Variants in KNTC1 observed in about 807,000 individuals in gnomAD.
KNTC1 encodes the protein kinetochore-associated protein 1.
In KNTC1, 253 loss-of-function variants were observed where a neutral mutation model predicts 314.4. That is an observed-to-expected ratio of 0.80 (90% CI 0.73 to 0.89). The LOEUF (loss-of-function observed/expected upper bound fraction) is 0.89. KNTC1 is among the 40% of genes least tolerant of loss of function. The pLI is 0.00. For synonymous variants in KNTC1, 901 were observed against 901.4 expected, an observed-to-expected ratio of 1.00 and a Z score of 0.01; for missense variants, 2,475 against 2,572.9, an observed-to-expected ratio of 0.96 and a Z score of 0.82.
Position 122,624,635 on chromosome 12 carries a change from A to T in KNTC1, c.6553A>T (p.Lys2185Ter). ...TTCAGTCTTGATAACTGAATATTCA[A>T]AGCACTGCGGGAAACCTGTGCCTCC... ...EASVLITEYSKHCGKPVPPDT... is the reference protein window; with the variant it reads ...EASVLITEYS Residue 2185 changes from lysine to a stop codon, truncating the protein, a stop_gained, in exon 63 of 64, where the codon AAG becomes TAG. Coordinates refer to ENST00000333479, the MANE Select transcript of KNTC1 (RefSeq NM_014708.6). LOFTEE classifies it high-confidence loss of function. 1 of 1,613,570 alleles carries T rather than the reference A, an allele frequency of 6.2e-7. No homozygotes were observed. The highest frequency in any genetic ancestry group is 1.3e-5 in the African/African-American group (1 of 75,048).
chr12:122,544,196 A>G lies in KNTC1; in HGVS notation c.596A>G (p.Glu199Gly), dbSNP rs1177597087. 6.3e-7 allele frequency: 1 copy of G among 1,581,822 alleles called. No individual in the cohort carries two copies. The highest frequency in any genetic ancestry group is 1.2e-5 in the South Asian group (1 of 83,902). The stretch of plus-strand genomic sequence containing the variant: ...ATCAAGTCCAGTTTTATTTCTACTG[A>G]AAATTATCATACTCTTGGTTGTCTC... ...GQIKSSFIST[E>G]NYHTLGCLSL... The change falls in exon 8 of 64, where the codon GAA (glutamate) becomes GGA (glycine). Residue 199 changes from glutamate (E) to glycine (G), a missense_variant. Coordinates refer to ENST00000333479, the MANE Select transcript of KNTC1 (RefSeq NM_014708.6).
intron 3 of KNTC1, among the ~76,000 whole-genome samples, chr12:122,537,074 C>T (rs1003512965): frequency 6.6e-6 from 1 of 152,142 alleles, no homozygotes; most frequent in African/African-American, 2.4e-5. Flanking sequence ...AACTTGAGTT[C>T]GTAAGCCAGT....
rs559434593 is a variant in KNTC1 at position 122,624,643 on chromosome 12, C to T, written c.6561C>T (p.Cys2187=). 47 of 1,613,342 alleles carry T rather than the reference C, an allele frequency of 2.9e-5. No individual in the cohort carries two copies. The highest frequency in any genetic ancestry group is 4.4e-5 in the South Asian group (4 of 91,060). The change falls in exon 63 of 64, where the codon TGC becomes TGT. Residue 2187 remains cysteine, a synonymous_variant. Transcript: ENST00000333479. The part of the protein sequence containing the change: ...SVLITEYSKH[C]GKPVPPDTAP... Reference sequence around the variant, plus strand: ...TGATAACTGAATATTCAAAGCACTGCGGGAAACCTGTGCCTCCAGACACTG... The same window carrying T: ...TGATAACTGAATATTCAAAGCACTGTGGGAAACCTGTGCCTCCAGACACTG...
At position 122,577,011 on chromosome 12, in the gene KNTC1, C is replaced by A; in HGVS notation, c.2703C>A (p.Asp901Glu). ...DDEIYSLRII[D>E]LIDREQGEDC... is the part of the protein sequence containing the mutation. ...AGATCTACAGTCTAAGAATTATTGA[C>A]CTGATTGATAGAGAACAGGTTTGTA... Residue 901 changes from aspartate (D) to glutamate (E), a missense_variant, in exon 30 of 64, where the codon GAC (aspartate) becomes GAA (glutamate). Asp to Glu is a conservative substitution (Grantham distance 45, BLOSUM62 2). Coordinates refer to ENST00000333479, the MANE Select transcript of KNTC1 (RefSeq NM_014708.6). 6.4e-7 allele frequency: 1 copy of A among 1,559,544 alleles called. No individual in the cohort carries two copies. Among genetic ancestry groups the A allele is most frequent in the Admixed American group, 2.0e-5 (1 of 49,264 alleles).
rs371016706 is a variant in KNTC1, at chr12:122,603,090, A to G, written c.4948A>G (p.Lys1650Glu). 108 of 1,613,906 alleles carry G rather than the reference A, an allele frequency of 6.7e-5. No homozygotes were observed. Among genetic ancestry groups the G allele is most frequent in the Admixed American group, 3.2e-4 (19 of 60,018 alleles). Residue 1650 changes from lysine to glutamate, a missense_variant, in exon 48 of 64, where the codon AAG becomes GAG. By Grantham distance (56) the Lys-to-Glu change is moderately conservative. Transcript: ENST00000333479. ...KHVFEKKLKPKLLKLTQAKSS... is the reference protein window; with the variant it reads ...KHVFEKKLKPELLKLTQAKSS... ...CGTTTTCGAAAAAAAACTGAAGCCAAAGCTCCTGAAGTTAACACAAGCTAA... is the reference window on the plus strand; with the variant it reads ...CGTTTTCGAAAAAAAACTGAAGCCAGAGCTCCTGAAGTTAACACAAGCTAA...
intron 21 of KNTC1, 140 bp from the exon 22 acceptor site, chr12:122,569,541 T>C: frequency 1.5e-6 from 1 of 658,556 alleles, no homozygotes; most frequent in Non-Finnish European, 2.5e-6. Flanking sequence ...ATCATTTGCA[T>C]AGTGTGAATC....
chr12:122,531,374 A>C (rs1331847285), intron 2 of KNTC1, among the ~76,000 whole-genome samples: 2 of 151,700 alleles, frequency 1.3e-5, no homozygotes, highest in African/African-American at 4.9e-5. Context: ...GCTACTAAAA[A>C]TTTTCGTATT....
In KNTC1 at chr12:122,544,221, C is replaced by T; in HGVS notation, c.621C>T (p.Leu207=). 2 of 1,588,750 alleles carry T rather than the reference C, an allele frequency of 1.3e-6. No individual in the cohort carries two copies. The highest frequency in any genetic ancestry group is 2.3e-5 in the East Asian group (1 of 43,738). ...STENYHTLGC[L]SLVAGDLASE... ...AAAATTATCATACTCTTGGTTGTCT[C>T]AGTCTTGTGGCTGGAGATTTAGCAA... Residue 207 remains leucine, a synonymous_variant, in exon 8 of 64, where the codon CTC becomes CTT. Coordinates refer to ENST00000333479, the MANE Select transcript of KNTC1 (RefSeq NM_014708.6).
chr12:122,585,177 A>G (rs912395399), intron 36 of KNTC1, among the ~76,000 whole-genome samples, 187 bp downstream of exon 36: 3 of 151,930 alleles, frequency 2.0e-5, no homozygotes, highest in Admixed American at 6.6e-5. Context: ...TGGGACTATA[A>G]GTGTGTGCCA....
In KNTC1 at chr12:122,624,230, C is replaced by T. The variant is rs534480522; in HGVS notation, c.6516-368C>T. ...TAAAACATTAAATTCAGAGATTGGTCTTTACATTTTAATTTTGACTTCAAT... is the reference window on the plus strand; with the variant it reads ...TAAAACATTAAATTCAGAGATTGGTTTTTACATTTTAATTTTGACTTCAAT... On this transcript the variant is annotated intron_variant, in intron 62 of 63. Transcript: ENST00000333479. 7.2e-5 allele frequency among the ~76,000 whole-genome samples: 11 copies of T among 152,140 alleles called. No homozygotes were observed. In the East Asian group the frequency reaches 2.1e-3, roughly 29 times the overall value.
chr12:122,619,179 T>C (rs1874125144), intron 59 of KNTC1, among the ~76,000 whole-genome samples: 1 of 150,448 alleles, frequency 6.6e-6, no homozygotes, highest in African/African-American at 2.5e-5. Flanking sequence ...CACCTCAGCC[T>C]CCTGAGTTGC....
Position 122,618,534 on chromosome 12 carries a change from C to T in KNTC1, c.6138C>T (p.Ile2046=), listed in dbSNP as rs1323677700. The stretch of plus-strand genomic sequence containing the variant: ...TGTCAGATTGTTCTGAGAGTCTCAT[C>T]GCTGTCCTCGAGTAAGCAAAATATT... ...DQLSDCSESL[I]AVLECPVSGD... The change falls in exon 59 of 64, where the codon ATC becomes ATT. Residue 2046 remains isoleucine, a synonymous_variant. Coordinates refer to ENST00000333479, the MANE Select transcript of KNTC1 (RefSeq NM_014708.6). The T allele has an allele frequency of 5.6e-6, 9 of 1,608,920 alleles. No individual in the cohort carries two copies. Among genetic ancestry groups the T allele is most frequent in the East Asian group, 2.2e-5 (1 of 44,770 alleles).
chr12:122,536,521 CT>C lies in KNTC1; in HGVS notation c.250+1751del, dbSNP rs77728043. Among the ~76,000 whole-genome samples, 1,174 of 140,266 alleles carry C rather than the reference CT, an allele frequency of 8.4e-3. 12 individuals carry two copies. The highest frequency in any genetic ancestry group is 0.022 in the African/African-American group (857 of 38,366). 92.0% of individuals were successfully genotyped at this position (140,266 alleles called of 152,430 possible). A position where few individuals can be genotyped will look rare whatever the true frequency, so the allele number is the denominator to read the frequency against. ...ACAGACGTGAGCCACCGTGCCAGGCCTTTTTTTTTTTTTTCCCTGAGACAGT... is the reference window on the plus strand; with the variant it reads ...ACAGACGTGAGCCACCGTGCCAGGCCTTTTTTTTTTTTTCCCTGAGACAGT... On this transcript the variant is annotated intron_variant, in intron 3 of 63. Transcript: ENST00000333479.
In KNTC1 at chr12:122,620,501, G is replaced by C; in HGVS notation, c.6172G>C (p.Asp2058His). The C allele has an allele frequency of 6.2e-7, 1 of 1,613,134 alleles. No homozygotes were observed. The highest frequency in any genetic ancestry group is 8.5e-7 in the Non-Finnish European group (1 of 1,179,378). Residue 2058 changes from aspartate (D) to histidine (H), a missense_variant, in exon 60 of 64, where the codon GAC becomes CAC. Transcript: ENST00000333479. ...VLECPVSGDLDLIGVARQYIQ... is the reference protein window; with the variant it reads ...VLECPVSGDLHLIGVARQYIQ... ...AAGATGTCCAGTCTCAGGTGATCTT[G>C]ACCTGATCGGAGTCGCCAGGCAGTA...
At chr12:122,586,799 T>A in intron 38 of KNTC1, 42 bp downstream of exon 38, 1 of 598,724 alleles carries the variant, frequency 1.7e-6, no homozygotes, top group Non-Finnish European at 2.4e-6. Context: ...TTAATATTTA[T>A]TTATTTATTT....
In KNTC1 at chr12:122,604,982, G is replaced by A. The variant is rs1396252480; in HGVS notation, c.5281G>A (p.Glu1761Lys). The A allele has an allele frequency of 6.2e-7, 1 of 1,612,976 alleles. No individual in the cohort carries two copies. The highest frequency in any genetic ancestry group is 1.1e-5 in the South Asian group (1 of 90,772). The change falls in exon 50 of 64, where the codon GAA becomes AAA. Residue 1761 changes from glutamate to lysine, a missense_variant. Glu to Lys is a moderately conservative substitution (Grantham distance 56, BLOSUM62 1). Transcript: ENST00000333479. ...CATAGCCCACAAGCTGAACACTGAG[G>A]AATATTTAAGAGTGATCGGAAAGCC... ...VLIAHKLNTE[E>K]YLRVIGKPAH...
chr12:122,545,276 C>G (rs897906907), intron 8 of KNTC1, among the ~76,000 whole-genome samples: 1 of 152,098 alleles, frequency 6.6e-6, no homozygotes, highest in African/African-American at 2.4e-5. Flanking sequence ...ATGGCATGCT[C>G]CTATGGTCCC....
chr12:122,580,917 A>G (rs1965380007), intron 33 of KNTC1, among the ~76,000 whole-genome samples: 1 of 151,610 alleles, frequency 6.6e-6, no homozygotes, highest in African/African-American at 2.4e-5. Flanking sequence ...AGTCCCAGCT[A>G]CTCGGGAGGC....
At chr12:122,551,589 CA>C in intron 15 of KNTC1, 31 bp from the exon 16 acceptor site, 2 of 1,603,186 alleles carry the variant, frequency 1.2e-6, no homozygotes, top group Non-Finnish European at 1.7e-6. Flanking sequence ...GAATAATAAG[CA>C]TTTAACAAAA....
Sources: gnomAD v4.1 joint callset for allele counts (sites outside exome capture counted in the v4.1 genomes callset) on GRCh38, gnomAD v4.1.1 for gene constraint, MANE v1.5 for transcripts, NCBI Gene and HGNC (gene_info 2026-07-23, HGNC 2026-07-21) for gene names.